ANK2: variants seen among roughly 807,000 people sequenced by gnomAD.
The protein encoded by ANK2 is ankyrin 2.
Under a neutral mutation model 360.5 loss-of-function variants are expected in ANK2, and 83 were observed. The observed-to-expected ratio is 0.23, with a 90% CI of 0.19 to 0.28. The LOEUF (loss-of-function observed/expected upper bound fraction) is 0.28, where lower values mean the gene tolerates loss of function less well. ANK2 is among the 10% of genes least tolerant of loss of function. The pLI, the probability that ANK2 is intolerant of heterozygous loss-of-function variation, is 1.00. For synonymous variants in ANK2, 1,740 were observed against 1,759.5 expected, an observed-to-expected ratio of 0.99 and a Z score of 0.28; for missense variants, 4,201 against 4,795.7, an observed-to-expected ratio of 0.88 and a Z score of 3.66.
In ANK2 at chr4:112,833,535, G is replaced by C. The variant is rs141908852; in HGVS notation, c.-40+15271G>C. 6.7e-3 allele frequency among the ~76,000 whole-genome samples: 967 copies of C among 143,630 alleles called. 12 individuals are homozygous for C. The highest frequency in any genetic ancestry group is 0.024 in the African/African-American group (893 of 37,758). 94.2% of individuals were successfully genotyped at this position (143,630 alleles called of 152,430 possible). On this transcript the variant is annotated intron_variant, in intron 1 of 30. Coordinates refer to the ANK2 transcript ENST00000503271. ...TTTTTTTTTTTTGAGAGGGAGTCTC[G>C]CTCTGTCCCCCAGGCTGGAGTGCAG...
At chr4:113,293,581 G>T (rs767854597) in intron 22 of ANK2, 43 bp downstream of exon 22, 2 of 1,538,078 alleles carry the variant, frequency 1.3e-6, no homozygotes, top group Admixed American at 1.7e-5. Flanking sequence ...GTTATTCTTC[G>T]TTTTCAAACT....
chr4:112,813,518 C>T (rs1283371116), upstream of ANK2, among the ~76,000 whole-genome samples: 1 of 150,488 alleles, frequency 6.6e-6, no homozygotes, highest in African/African-American at 2.5e-5. Context: ...TTTCCTTTAC[C>T]AAATTATATT....
intron 17 of ANK2, 87 bp downstream of exon 17, chr4:113,278,645 A>G: frequency 7.6e-7 from 1 of 1,317,480 alleles, no homozygotes; most frequent in Non-Finnish European, 1.1e-6. Flanking sequence ...CACATGGTAT[A>G]GTATAACTGC....
At position 112,953,501 on chromosome 4, in the gene ANK2, C is replaced by T. The variant is rs187124726; in HGVS notation, c.21+48987C>T. The stretch of plus-strand genomic sequence containing the variant: ...CCCAAGTCTCCAGAGACTTCCAAGG[C>T]TTCCAGTCCTTACACAATTGTTGGG... On this transcript the variant is annotated intron_variant, in intron 2 of 30. Coordinates refer to the ANK2 transcript ENST00000503271. Among the ~76,000 whole-genome samples the T allele has an allele frequency of 3.9e-5, 6 of 152,360 alleles. No individual in the cohort carries two copies. The East Asian group carries it at 1.2e-3, about 29-fold the overall frequency.
Position 113,249,761 on chromosome 4 carries a change from C to T in ANK2, c.892-3C>T, listed in dbSNP as rs2153601309. The T allele has an allele frequency of 6.2e-7, 1 of 1,613,886 alleles. No homozygotes were observed. The highest frequency in any genetic ancestry group is 1.1e-5 in the South Asian group (1 of 90,976). ...GGGCCTAATTCTTTAATTCTTTTGGCAGGATGGGTTGACACCACTTCACTG... is the reference window on the plus strand; with the variant it reads ...GGGCCTAATTCTTTAATTCTTTTGGTAGGATGGGTTGACACCACTTCACTG... On this transcript the variant is annotated splice_polypyrimidine_tract_variant and splice_region_variant and intron_variant, in intron 9 of 45. Transcript: ENST00000357077.
chr4:112,734,542 G>A, the ANK2 span, among the ~76,000 whole-genome samples: 2 of 152,198 alleles, frequency 1.3e-5, no homozygotes, highest in Non-Finnish European at 2.9e-5. Flanking sequence ...TGAAAGGCAA[G>A]TTGCCTGCTA....
At chr4:112,800,584 A>G in the ANK2 span, among the ~76,000 whole-genome samples, 2 of 152,180 alleles carry the variant, frequency 1.3e-5, no homozygotes, top group Non-Finnish European at 2.9e-5. Flanking sequence ...GGGAGAATTG[A>G]GAAATAGTCA....
At chr4:112,771,189 C>T in the ANK2 span, among the ~76,000 whole-genome samples, 14 of 152,240 alleles carry the variant, frequency 9.2e-5, no homozygotes, top group African/African-American at 3.4e-4. Context: ...CTTGGCTTAC[C>T]ACGACCTTCG....
At chr4:112,864,332 C>T (rs13120334) in intron 1 of ANK2, among the ~76,000 whole-genome samples, 29,844 of 152,010 alleles carry the variant, frequency 0.2, 3,030 homozygotes, top group Non-Finnish European at 0.22. Context: ...TTTTTTGAGA[C>T]GGAGTCTCGC....
rs551380969 is a variant in ANK2, at chr4:113,083,065, T to A, written c.84+33253T>A. Among the ~76,000 whole-genome samples, 127 of 152,130 alleles carry A rather than the reference T, an allele frequency of 8.3e-4. 1 individual carries two copies. The highest frequency in any genetic ancestry group is 3.1e-3 in the African/African-American group (127 of 41,532). ...TGTATAATTTCTTTTGTTGTTTTAT[T>A]TTTTTAAATTTTTAAATTTTATTTT... On this transcript the variant is annotated intron_variant, in intron 1 of 45. Transcript: ENST00000357077.
intron 2 of ANK2, among the ~76,000 whole-genome samples, chr4:112,974,565 TC>T (rs1328837011): frequency 7.2e-5 from 11 of 152,196 alleles, no homozygotes; most frequent in African/African-American, 2.4e-4. Context: ...GCTTCCTCCA[TC>T]TTCCCACTGG....
intron 1 of ANK2, among the ~76,000 whole-genome samples, chr4:112,888,641 C>G (rs1376092641): frequency 6.6e-6 from 1 of 152,070 alleles, no homozygotes; most frequent in Non-Finnish European, 1.5e-5. Context: ...CCTGTCTACC[C>G]CAAAAGAAAC....
intron 37 of ANK2, among the ~76,000 whole-genome samples, chr4:113,351,414 G>C (rs1356263379): frequency 6.6e-6 from 1 of 151,980 alleles, no homozygotes; most frequent in African/African-American, 2.4e-5. Context: ...TGAGATTCTG[G>C]ATGTTTTCAT....
intron 2 of ANK2, among the ~76,000 whole-genome samples, chr4:113,004,967 T>C (rs937412495): frequency 6.6e-6 from 1 of 152,228 alleles, no homozygotes; most frequent in East Asian, 1.9e-4. Flanking sequence ...AGAATCTTTT[T>C]ATAACCTTGA....
At chr4:113,200,819 T>C (rs942987376) in intron 4 of ANK2, among the ~76,000 whole-genome samples, 1 of 149,734 alleles carries the variant, frequency 6.7e-6, no homozygotes, top group Non-Finnish European at 1.5e-5. Flanking sequence ...TTCTCACTCA[T>C]AGGTGGGAAT....
chr4:113,082,767 A>G (rs1275104364), intron 1 of ANK2, among the ~76,000 whole-genome samples: 1 of 152,214 alleles, frequency 6.6e-6, no homozygotes, highest in Non-Finnish European at 1.5e-5. Flanking sequence ...CATCTTGTGA[A>G]TATTACAAAG....
Position 113,358,922 on chromosome 4 carries a change from C to G in ANK2, c.10304C>G (p.Pro3435Arg). 6.2e-7 allele frequency: 1 copy of G among 1,613,766 alleles called. No homozygotes were observed. The highest frequency in any genetic ancestry group is 8.5e-7 in the Non-Finnish European group (1 of 1,179,830). Residue 3435 changes from proline to arginine, a missense_variant, in exon 38 of 46, where the codon CCA (proline) becomes CGA (arginine). By Grantham distance (103) the Pro-to-Arg change is moderately radical. Transcript: ENST00000357077. Reference protein sequence around the residue: ...ELESEEGATRPKILTSRLPVK... With the variant: ...ELESEEGATRRKILTSRLPVK... The stretch of plus-strand genomic sequence containing the variant: ...GAATCAGAAGAAGGGGCCACAAGAC[C>G]AAAGATACTTACATCCCGATTGCCA...
chr4:112,849,258 C>A (rs1290121334), intron 1 of ANK2, among the ~76,000 whole-genome samples: 3 of 151,674 alleles, frequency 2.0e-5, no homozygotes, highest in Non-Finnish European at 2.9e-5. Flanking sequence ...GCTTAATATC[C>A]ACTCCCCTCA....
intron 1 of ANK2, among the ~76,000 whole-genome samples, chr4:112,900,044 A>G (rs1241005653): frequency 6.6e-6 from 1 of 152,332 alleles, no homozygotes; most frequent in East Asian, 1.9e-4. Flanking sequence ...ATTTTCAAAT[A>G]TGGACCAAAG....
Sources: gnomAD v4.1 joint callset for allele counts (sites outside exome capture counted in the v4.1 genomes callset) on GRCh38, gnomAD v4.1.1 for gene constraint, MANE v1.5 for transcripts, NCBI Gene and HGNC (gene_info 2026-07-23, HGNC 2026-07-21) for gene names.